Variants in MKLN1 observed in about 807,000 individuals in gnomAD.
MKLN1 encodes muskelin.
In MKLN1, 18 loss-of-function variants were observed where a neutral mutation model predicts 99.0. The observed-to-expected ratio is 0.18, with a 90% confidence interval of 0.13 to 0.27. The LOEUF (loss-of-function observed/expected upper bound fraction) is 0.27, where lower values mean the gene tolerates loss of function less well. MKLN1 is among the 10% of genes least tolerant of loss of function. The pLI is 1.00. For synonymous variants in MKLN1, 288 were observed against 293.2 expected (o/e 0.98, Z 0.18); for missense variants, 621 against 875.9 (o/e 0.71, Z 3.67).
chr7:131,155,640 A>G (rs1031352573), intron 2 of MKLN1, among the ~76,000 whole-genome samples: 2 of 152,232 alleles, frequency 1.3e-5, no homozygotes, highest in Non-Finnish European at 2.9e-5. Flanking sequence ...ATGATTATGA[A>G]AGAAAAAAAA....
chr7:131,474,934 C>G (rs1584780515), intron 16 of MKLN1, among the ~76,000 whole-genome samples: 2 of 152,240 alleles, frequency 1.3e-5, no homozygotes, highest in East Asian at 1.9e-4. Flanking sequence ...ACCTTTTTCA[C>G]ATGATGGCAG....
At chr7:131,419,495 G>C (rs1406194107) in intron 8 of MKLN1, among the ~76,000 whole-genome samples, 2 of 151,862 alleles carry the variant, frequency 1.3e-5, no homozygotes. Context: ...TCCTGCCTTG[G>C]CCTCCCAAAG....
chr7:131,403,341 A>C (rs1794605501), intron 6 of MKLN1, among the ~76,000 whole-genome samples: 1 of 152,200 alleles, frequency 6.6e-6, no homozygotes, highest in Non-Finnish European at 1.5e-5. Flanking sequence ...AAGAGAGTTA[A>C]GGCCATGCTT....
At chr7:131,348,902 C>A (rs576658797) in intron 1 of MKLN1, among the ~76,000 whole-genome samples, 1 of 152,024 alleles carries the variant, frequency 6.6e-6, no homozygotes, top group African/African-American at 2.4e-5. Flanking sequence ...AGTTTTAGAT[C>A]GGTCATTTAA....
intron 4 of MKLN1, among the ~76,000 whole-genome samples, chr7:131,396,715 C>T (rs549161429): frequency 5.9e-5 from 9 of 152,030 alleles, no homozygotes; most frequent in Non-Finnish European, 1.0e-4. Context: ...TAATATAGCT[C>T]CTATTATTTA....
At chr7:131,215,588 C>T (rs1411881166) in intron 3 of MKLN1, among the ~76,000 whole-genome samples, 3 of 152,200 alleles carry the variant, frequency 2.0e-5, no homozygotes, top group African/African-American at 7.2e-5. Context: ...CCTCAGCCTT[C>T]CAAAGTTCTA....
At chr7:131,368,382 C>G (rs775197646) in intron 1 of MKLN1, among the ~76,000 whole-genome samples, 2 of 152,112 alleles carry the variant, frequency 1.3e-5, no homozygotes, top group Non-Finnish European at 2.9e-5. Flanking sequence ...TACGTTCTCA[C>G]ACTGTTATAA....
rs143601036 is a variant in MKLN1 at position 131,178,893 on chromosome 7, T to C, written c.-296-23964T>C. ...CAGAGATTCAACTCATCCACATTTTTAGTGGTAACTGATATTTTTTTATTC... is the reference window on the plus strand; with the variant it reads ...CAGAGATTCAACTCATCCACATTTTCAGTGGTAACTGATATTTTTTTATTC... On this transcript the variant is annotated intron_variant, in intron 2 of 7. Transcript: ENST00000416992. Among the ~76,000 whole-genome samples the C allele has an allele frequency of 4.6e-5, 7 of 152,344 alleles. No individual in the cohort carries two copies. The East Asian group carries it at 1.3e-3, about 29-fold the overall frequency.
intron 1 of MKLN1, among the ~76,000 whole-genome samples, chr7:131,361,050 GT>G (rs1345128103): frequency 1.3e-5 from 2 of 151,678 alleles, no homozygotes; most frequent in South Asian, 2.1e-4. Flanking sequence ...TAAATGAGGA[GT>G]TTTTTTTCCC....
intron 6 of MKLN1, 59 bp downstream of exon 6, chr7:131,399,492 C>T: frequency 7.1e-7 from 1 of 1,411,312 alleles, no homozygotes; most frequent in South Asian, 1.3e-5. Context: ...AACTTTTTCT[C>T]AAAAATAATA....
At chr7:131,293,559 A>G (rs2116604287) in intron 3 of MKLN1, among the ~76,000 whole-genome samples, 1 of 152,314 alleles carries the variant, frequency 6.6e-6, no homozygotes, top group Admixed American at 6.5e-5. Flanking sequence ...ACCTATGTCC[A>G]ACACTTTGGA....
intron 2 of MKLN1, among the ~76,000 whole-genome samples, chr7:131,178,270 C>A (rs1796328700): frequency 7.0e-6 from 1 of 143,484 alleles, no homozygotes; most frequent in Admixed American, 7.1e-5. Context: ...GCGCCTGCCA[C>A]ATGCCCGGCT....
At chr7:131,143,037 T>C (rs74965170) in intron 2 of MKLN1, 25,405 of 844,966 alleles carry the variant, frequency 0.03, 573 homozygotes, top group African/African-American at 0.093. Context: ...TCTGGAGTCT[T>C]CATCAGAAGA....
In MKLN1 at chr7:131,347,127, C is replaced by T. The variant is rs7808830; in HGVS notation, c.98+19130C>T. 4.9e-3 allele frequency among the ~76,000 whole-genome samples: 753 copies of T among 152,216 alleles called. 6 individuals are homozygous for T. The highest frequency in any genetic ancestry group is 0.017 in the African/African-American group (719 of 41,530). On this transcript the variant is annotated intron_variant, in intron 1 of 17. Transcript: ENST00000352689. The stretch of plus-strand genomic sequence containing the variant: ...GTGCAACCTGCATAATTATATATAG[C>T]AGCCCTGCACCTTCTACATAATAAT...
chr7:131,359,963 G>C (rs1799981772), intron 1 of MKLN1, among the ~76,000 whole-genome samples: 1 of 151,986 alleles, frequency 6.6e-6, no homozygotes, highest in African/African-American at 2.4e-5. Flanking sequence ...TGGCGAGGCT[G>C]GTCTTGAACT....
intron 3 of MKLN1, among the ~76,000 whole-genome samples, chr7:131,221,302 C>T (rs538369733): frequency 7.9e-5 from 12 of 152,212 alleles, no homozygotes; most frequent in East Asian, 5.8e-4. Flanking sequence ...TGGCCCTGGG[C>T]GTGCACATGG....
intron 1 of MKLN1, among the ~76,000 whole-genome samples, chr7:131,349,885 G>A (rs189082153): frequency 1.3e-5 from 2 of 152,152 alleles, no homozygotes; most frequent in East Asian, 3.9e-4. Flanking sequence ...TTTTCCTAGT[G>A]GTCGCTCCAT....
At chr7:131,439,691 G>A (rs146729801) in intron 10 of MKLN1, among the ~76,000 whole-genome samples, 576 of 152,110 alleles carry the variant, frequency 3.8e-3, no homozygotes, top group Non-Finnish European at 5.5e-3. Context: ...AAAGCTATAC[G>A]ATACAAACAT....
chr7:131,261,751 G>T (rs1440149137), intron 3 of MKLN1, among the ~76,000 whole-genome samples: 1 of 152,148 alleles, frequency 6.6e-6, no homozygotes, highest in Non-Finnish European at 1.5e-5. Context: ...CAAGCTAAAT[G>T]CCCATCAGTG....
Sources: allele counts gnomAD v4.1 joint callset (sites outside exome capture counted in the v4.1 genomes callset), GRCh38; gene constraint gnomAD v4.1.1; transcripts MANE v1.5; gene names NCBI Gene and HGNC (gene_info 2026-07-23, HGNC 2026-07-21).